Variants in BCAR3 observed in about 807,000 individuals in gnomAD.
The protein encoded by BCAR3 is BCAR3 adaptor protein, NSP family member.
Under a neutral mutation model 80.1 loss-of-function variants are expected in BCAR3, and 37 were observed. The ratio of observed to expected loss-of-function variants is 0.46; its 90% CI spans 0.36 to 0.61. The LOEUF is 0.61. Among genes scored for constraint, BCAR3 ranks in the 20% least tolerant of loss-of-function variants. The pLI, the probability that BCAR3 is intolerant of heterozygous loss-of-function variation, is 0.00. For synonymous variants in BCAR3, 389 were observed against 418.9 expected, an observed-to-expected ratio of 0.93 and a Z score of 0.87; for missense variants, 978 against 1,068.2, an observed-to-expected ratio of 0.92 and a Z score of 1.18.
intron 9 of BCAR3, among the ~76,000 whole-genome samples, chr1:93,570,152 C>T (rs893398873): frequency 3.9e-5 from 6 of 152,248 alleles, no homozygotes; most frequent in South Asian, 2.1e-4. Context: ...CACAAATTCC[C>T]GATGAAGGCA....
At chr1:93,753,547 C>G (rs1571098218) in intron 2 of BCAR3, 1 of 664 alleles carries the variant, frequency 1.5e-3, no homozygotes. Context: ...CGCGGGTACA[C>G]ACACACACAC....
chr1:93,687,961 G>A (rs1343625974), intron 3 of BCAR3, among the ~76,000 whole-genome samples: 2 of 152,206 alleles, frequency 1.3e-5, no homozygotes, highest in East Asian at 3.9e-4. Flanking sequence ...AAGAAAGATA[G>A]AGAATTCCCT....
At chr1:93,753,895 A>ACG (rs1305150027) in intron 2 of BCAR3, 1 of 152,150 alleles carries the variant, frequency 6.6e-6, no homozygotes, top group Non-Finnish European at 1.5e-5. Flanking sequence ...ACACACACAC[A>ACG]CATGCACCCT....
intron 2 of BCAR3, among the ~76,000 whole-genome samples, chr1:93,778,040 C>T (rs931359072): frequency 3.3e-5 from 5 of 152,198 alleles, no homozygotes; most frequent in African/African-American, 1.2e-4. Flanking sequence ...GACAAGTTGA[C>T]TTCTGAGTCC....
In BCAR3 at chr1:93,707,740, G is replaced by A. The variant is rs1649873615; in HGVS notation, c.-62-1598C>T. ...AATAAATAATAATAATAGCTCTGACGGTCCCCAAGCCTGGATCATTCAGGA... is the reference window on the plus strand; with the variant it reads ...AATAAATAATAATAATAGCTCTGACAGTCCCCAAGCCTGGATCATTCAGGA... On this transcript the variant is annotated intron_variant, in intron 2 of 13. Coordinates refer to the BCAR3 transcript ENST00000370244. Among the ~76,000 whole-genome samples, 2 of 152,050 alleles carry A rather than the reference G, an allele frequency of 1.3e-5. 1 individual carries two copies. The highest frequency in any genetic ancestry group is 4.1e-4 in the South Asian group (2 of 4,820).
chr1:93,610,060 C>A (rs1485484589), intron 3 of BCAR3, among the ~76,000 whole-genome samples: 2 of 152,248 alleles, frequency 1.3e-5, no homozygotes, highest in Non-Finnish European at 1.5e-5. Flanking sequence ...GGTATTACAG[C>A]AGAGATCCCC....
At chr1:93,570,610 G>A (rs1334931643) in intron 9 of BCAR3, among the ~76,000 whole-genome samples, 3 of 152,320 alleles carry the variant, frequency 2.0e-5, no homozygotes, top group East Asian at 3.9e-4. Flanking sequence ...GAGTTCTATG[G>A]CAGATGGACC....
intron 2 of BCAR3, among the ~76,000 whole-genome samples, chr1:93,830,202 C>A (rs531206888): frequency 1.6e-4 from 24 of 152,234 alleles, no homozygotes; most frequent in Admixed American, 1.2e-3. Context: ...GTGGCTCATG[C>A]CTGTAAACCC....
intron 2 of BCAR3, among the ~76,000 whole-genome samples, chr1:93,812,255 C>T (rs1490595019): frequency 6.6e-6 from 1 of 152,142 alleles, no homozygotes; most frequent in Non-Finnish European, 1.5e-5. Flanking sequence ...TCCACGCACC[C>T]TTACCATCCC....
intron 3 of BCAR3, among the ~76,000 whole-genome samples, chr1:93,638,866 T>C (rs565889179): frequency 6.6e-6 from 1 of 152,024 alleles, no homozygotes; most frequent in Non-Finnish European, 1.5e-5. Flanking sequence ...GGGGAAAAAA[T>C]TGTGAGGAGA....
intron 2 of BCAR3, among the ~76,000 whole-genome samples, chr1:93,776,723 T>C (rs1224256867): frequency 6.6e-6 from 1 of 152,222 alleles, no homozygotes; most frequent in Non-Finnish European, 1.5e-5. Context: ...CTACTTCCTG[T>C]AAATTGGTAG....
intron 2 of BCAR3, among the ~76,000 whole-genome samples, chr1:93,744,042 T>C (rs1214468713): frequency 6.6e-6 from 1 of 152,144 alleles, no homozygotes; most frequent in African/African-American, 2.4e-5. Context: ...GGCAGCAGGC[T>C]GTATGCAAGA....
At chr1:93,718,688 CTTTTTTTTT>C (rs71094259) in intron 2 of BCAR3, among the ~76,000 whole-genome samples, 20 of 77,058 alleles carry the variant, frequency 2.6e-4, no homozygotes, top group South Asian at 1.1e-3. Flanking sequence ...CATTGTTTTT[CTTTTTTTTT>C]TTTTTTTTTT....
intron 3 of BCAR3, among the ~76,000 whole-genome samples, chr1:93,699,406 G>A (rs575700881): frequency 6.6e-6 from 1 of 152,224 alleles, no homozygotes; most frequent in African/African-American, 2.4e-5. Context: ...TATCAGGGAG[G>A]CTGGGCGCTG....
chr1:93,821,357 A>G (rs1654216250), intron 2 of BCAR3, among the ~76,000 whole-genome samples: 1 of 152,150 alleles, frequency 6.6e-6, no homozygotes, highest in South Asian at 2.1e-4. Flanking sequence ...GCCTGTAGAG[A>G]GCTCTGTGAA....
At position 93,571,793 on chromosome 1, in the gene BCAR3, C is replaced by T. The variant is rs138631396; in HGVS notation, c.1851G>A (p.Thr617=). The T allele has an allele frequency of 1.1e-5, 17 of 1,614,106 alleles. No homozygotes were observed. The highest frequency in any genetic ancestry group is 2.7e-5 in the African/African-American group (2 of 75,020). Residue 617 remains threonine (T), a synonymous_variant, in exon 9 of 12, where the codon ACG becomes ACA. Coordinates refer to ENST00000260502, the MANE Select transcript of BCAR3 (RefSeq NM_003567.4). ...TGGCCGCTCGGTCCTCCAAAGTGCCCGTGCATCCCAGAATGTCCACTGCAA... is the reference window on the plus strand; with the variant it reads ...TGGCCGCTCGGTCCTCCAAAGTGCCTGTGCATCCCAGAATGTCCACTGCAA... ...IGIAVDILGC[T]GTLEDRAATL... is the part of the protein sequence containing the mutation.
rs182817775 is a variant in BCAR3 at position 93,689,553 on chromosome 1, G to C, written c.-11-14612C>G. ...TCTCAAAAAAAAAAAAAAAGTGCTGGGGACAGACTGTTGATGCTGGTGATG... is the reference window on the plus strand; with the variant it reads ...TCTCAAAAAAAAAAAAAAAGTGCTGCGGACAGACTGTTGATGCTGGTGATG... On this transcript the variant is annotated intron_variant, in intron 3 of 13. Transcript: ENST00000370244. 3.0e-3 allele frequency among the ~76,000 whole-genome samples: 463 copies of C among 151,858 alleles called. 5 individuals carry two copies. The highest frequency in any genetic ancestry group is 0.011 in the African/African-American group (455 of 41,412).
At chr1:93,820,876 C>CA (rs1553174481) in intron 2 of BCAR3, among the ~76,000 whole-genome samples, 1 of 144,602 alleles carries the variant, frequency 6.9e-6, no homozygotes, top group Non-Finnish European at 1.5e-5. Flanking sequence ...CCCCCACCCC[C>CA]ACCCAACCTA....
upstream of BCAR3, chr1:93,847,930 A>G (rs1160165076): frequency 8.1e-6 from 2 of 246,842 alleles, no homozygotes; most frequent in East Asian, 1.6e-4. Context: ...GGCGAAGGAA[A>G]AGCGACACTG....
Sources: allele counts gnomAD v4.1 joint callset (sites outside exome capture counted in the v4.1 genomes callset), GRCh38; gene constraint gnomAD v4.1.1; transcripts MANE v1.5; gene names NCBI Gene and HGNC (gene_info 2026-07-23, HGNC 2026-07-21).